NUP210L: variants seen among roughly 807,000 people sequenced by gnomAD.
The protein encoded by NUP210L is nucleoporin 210 like.
In NUP210L, 74 loss-of-function variants were observed where a neutral mutation model predicts 208.5. The observed-to-expected ratio is 0.35, with a 90% CI of 0.29 to 0.43. NUP210L has a LOEUF of 0.43. Among genes scored for constraint, NUP210L ranks in the 20% least tolerant of loss-of-function variants. The pLI is 1.00. For synonymous variants in NUP210L, 780 were observed against 816.9 expected (o/e 0.95, Z 0.77); for missense variants, 1,843 against 2,289.4 (o/e 0.81, Z 3.98).
At chr1:154,006,489 T>A (rs2147897268) in intron 35 of NUP210L, among the ~76,000 whole-genome samples, 1 of 151,880 alleles carries the variant, frequency 6.6e-6, no homozygotes, top group African/African-American at 2.4e-5. Flanking sequence ...TGCTTTATTT[T>A]TATTTATTTA....
chr1:154,074,174 T>C (rs967882452), intron 16 of NUP210L, among the ~76,000 whole-genome samples: 4 of 152,114 alleles, frequency 2.6e-5, no homozygotes, highest in Non-Finnish European at 5.9e-5. Context: ...AGGTATGGTT[T>C]CCCCTCTGTG....
chr1:154,141,562 G>A lies in NUP210L; in HGVS notation c.473-38C>T, dbSNP rs371261770. On this transcript the variant is annotated intron_variant, in intron 3 of 39. Coordinates refer to ENST00000368559, the Ensembl canonical transcript of NUP210L. The stretch of plus-strand genomic sequence containing the variant: ...CCAAAAGCAGACAAGATAGGATCAC[G>A]TATTTAAAAATATTCAGGTATTTAC... 91 of 1,229,912 alleles carry A rather than the reference G, an allele frequency of 7.4e-5. No homozygotes were observed. The Middle Eastern group carries it at 2.7e-3, about 36-fold the overall frequency. The allele number at this position is 1,229,912 out of a possible 1,614,324, so 76.2% of individuals were successfully genotyped here.
chr1:154,106,276 T>G (rs957442377), intron 12 of NUP210L, among the ~76,000 whole-genome samples: 8 of 151,850 alleles, frequency 5.3e-5, no homozygotes, highest in African/African-American at 1.9e-4. Flanking sequence ...AATAAATAAA[T>G]AAATAAATAA....
At chr1:154,062,122 G>A (rs538484447) in intron 17 of NUP210L, among the ~76,000 whole-genome samples, 11 of 152,160 alleles carry the variant, frequency 7.2e-5, no homozygotes, top group African/African-American at 2.4e-4. Context: ...CACCACGCCC[G>A]GCCTGAAAAC....
At chr1:154,070,333 C>G in exon 17 of NUP210L, 3 of 1,613,168 alleles carry the variant, frequency 1.9e-6, no homozygotes, top group Non-Finnish European at 2.5e-6. Flanking sequence ...GATTTATAAT[C>G]TTCGAAATGG....
intron 15 of NUP210L, among the ~76,000 whole-genome samples, chr1:154,092,332 T>A (rs1571262872): frequency 6.7e-6 from 1 of 149,850 alleles, no homozygotes; most frequent in African/African-American, 2.5e-5. Context: ...GCCCGCCTCG[T>A]CCTCCCAAAG....
intron 19 of NUP210L, 143 bp from the exon 20 acceptor site, chr1:154,060,784 T>A: frequency 1.3e-6 from 1 of 752,408 alleles, no homozygotes. Context: ...ATTATTAAAG[T>A]ACAATTTTTA....
chr1:154,006,773 G>A (rs1650548043), intron 35 of NUP210L, among the ~76,000 whole-genome samples: 1 of 146,560 alleles, frequency 6.8e-6, no homozygotes, highest in Non-Finnish European at 1.5e-5. Context: ...GGGATTACAG[G>A]CGTGAGCCAC....
At chr1:154,011,662 T>C (rs1259374974) in intron 34 of NUP210L, among the ~76,000 whole-genome samples, 1 of 146,866 alleles carries the variant, frequency 6.8e-6, no homozygotes. Context: ...CACTCCAGAG[T>C]ACTAAAATTA....
rs1649800064 is a variant in NUP210L at position 153,995,572 on chromosome 1, C to T, written c.5387-392G>A. The T allele has an allele frequency of 4.1e-6, 3 of 738,638 alleles. No individual in the cohort carries two copies. The South Asian group carries it at 4.1e-5, about 10-fold the overall frequency. 45.8% of individuals were successfully genotyped at this position (738,638 alleles called of 1,614,324 possible). On this transcript the variant is annotated intron_variant, in intron 37 of 39. Coordinates refer to ENST00000368559, the Ensembl canonical transcript of NUP210L. ...AAAGGATGCTTTAAATCCTCTGCTA[C>T]TTTAAAATGCTGGTTACCACTTCTT...
At chr1:154,105,472 G>A (rs116494515) in intron 12 of NUP210L, among the ~76,000 whole-genome samples, 1,692 of 117,476 alleles carry the variant, frequency 0.014, 39 homozygotes, top group African/African-American at 0.052. Flanking sequence ...CTAGGTGACA[G>A]AGCAAAAATC....
chr1:153,998,419 G>A (rs1204866380), intron 37 of NUP210L, among the ~76,000 whole-genome samples: 1 of 152,010 alleles, frequency 6.6e-6, no homozygotes, highest in African/African-American at 2.4e-5. Context: ...GCCAGGCGTG[G>A]TGGCGGGCAC....
intron 35 of NUP210L, among the ~76,000 whole-genome samples, chr1:154,009,624 TAAAAAAAAAA>T (rs35760411): frequency 1.1e-4 from 6 of 55,430 alleles, no homozygotes; most frequent in African/African-American, 1.4e-4. Flanking sequence ...ACGTTGCTCT[TAAAAAAAAAA>T]AAAAAAAAAA....
chr1:154,054,544 T>C (rs2147985400), intron 24 of NUP210L, 137 bp from the exon 25 acceptor site: 1 of 851,610 alleles, frequency 1.2e-6, no homozygotes, highest in Non-Finnish European at 1.8e-6. Flanking sequence ...TCAACTCAAA[T>C]GCAGAAGAAA....
At chr1:154,154,458 C>T (rs892188843) in intron 1 of NUP210L, among the ~76,000 whole-genome samples, 2 of 152,192 alleles carry the variant, frequency 1.3e-5, no homozygotes, top group African/African-American at 2.4e-5. Flanking sequence ...ATATGGGGAA[C>T]TTCCTCTTAC....
chr1:154,033,413 T>A (rs1652363929), intron 27 of NUP210L, among the ~76,000 whole-genome samples: 1 of 152,216 alleles, frequency 6.6e-6, no homozygotes, highest in Non-Finnish European at 1.5e-5. Context: ...ACATTTTGAT[T>A]TGATTTTTGC....
intron 37 of NUP210L, among the ~76,000 whole-genome samples, chr1:153,997,329 T>C (rs1649948861): frequency 6.6e-6 from 1 of 151,846 alleles, no homozygotes. Context: ...TTGTTAGAGA[T>C]GAGGTCTCTC....
intron 25 of NUP210L, 64 bp from the exon 26 acceptor site, chr1:154,046,433 G>T: frequency 7.6e-7 from 1 of 1,310,180 alleles, no homozygotes; most frequent in Non-Finnish European, 1.1e-6. Flanking sequence ...GGACAGAGAT[G>T]CTTTTGATAA....
In NUP210L at chr1:154,136,022, A is replaced by G. The variant is rs368218525; in HGVS notation, c.851-50T>C. On this transcript the variant is annotated intron_variant, in intron 6 of 39. Coordinates refer to ENST00000368559, the Ensembl canonical transcript of NUP210L. Reference sequence around the variant, plus strand: ...ATGTAATGACAGCAGCCATTCCAGTAGATAATGATGTATTCTTGATCATAA... The same window carrying G: ...ATGTAATGACAGCAGCCATTCCAGTGGATAATGATGTATTCTTGATCATAA... The G allele has an allele frequency of 2.8e-5, 34 of 1,233,876 alleles. No individual in the cohort carries two copies. In the African/African-American group the frequency reaches 4.4e-4, roughly 16 times the overall value. 76.4% of individuals were successfully genotyped at this position (1,233,876 alleles called of 1,614,324 possible).
Sources: allele counts gnomAD v4.1 joint callset (sites outside exome capture counted in the v4.1 genomes callset), GRCh38; gene constraint gnomAD v4.1.1; transcripts MANE v1.5; gene names NCBI Gene and HGNC (gene_info 2026-07-23, HGNC 2026-07-21).